Variants in SLC35F1 observed in about 807,000 individuals in gnomAD.
SLC35F1 encodes chromosome 6 open reading frame 169.
SLC35F1 carries 14 observed loss-of-function variants against 48.7 expected under a neutral mutation model. The observed-to-expected ratio is 0.29, with a 90% CI of 0.19 to 0.45. SLC35F1 has a LOEUF of 0.45. Among genes scored for constraint, SLC35F1 ranks in the 20% least tolerant of loss-of-function variants. SLC35F1 has a pLI of 1.00. For missense variants in SLC35F1, 404 were observed against 500.0 expected (o/e 0.81, Z 1.83); for synonymous variants, 190 against 202.2 (o/e 0.94, Z 0.51).
intron 1 of SLC35F1, among the ~76,000 whole-genome samples, chr6:117,926,632 A>G (rs1046142910): frequency 1.3e-5 from 2 of 152,124 alleles, no homozygotes; most frequent in African/African-American, 4.8e-5. Flanking sequence ...GTATGTGATG[A>G]ATTCTGGGAA....
chr6:118,111,323 G>A (rs1472360797), intron 1 of SLC35F1, among the ~76,000 whole-genome samples: 1 of 152,092 alleles, frequency 6.6e-6, no homozygotes, highest in Non-Finnish European at 1.5e-5. Flanking sequence ...CAAAGACAAA[G>A]AAAATCTTGA....
At chr6:118,128,883 T>A (rs1424994219) in intron 1 of SLC35F1, among the ~76,000 whole-genome samples, 1 of 152,166 alleles carries the variant, frequency 6.6e-6, no homozygotes, top group Non-Finnish European at 1.5e-5. Context: ...TGCACTAGGC[T>A]ACTTTAAAGT....
At chr6:117,909,126 AAACAG>A (rs1376752853) in intron 1 of SLC35F1, among the ~76,000 whole-genome samples, 4 of 152,210 alleles carry the variant, frequency 2.6e-5, no homozygotes, top group Non-Finnish European at 5.9e-5. Context: ...ATTTATTATC[AAACAG>A]AAAGAAATTC....
intron 7 of SLC35F1, among the ~76,000 whole-genome samples, chr6:118,293,493 C>T (rs9481773): frequency 0.031 from 4,667 of 152,274 alleles, 112 homozygotes; most frequent in African/African-American, 0.066. Context: ...GGATAATATC[C>T]TCACCTCAAA....
rs189830522 is a variant in SLC35F1, at chr6:118,293,342, T to C, written c.1002+8004T>C. 5.1e-3 allele frequency among the ~76,000 whole-genome samples: 779 copies of C among 152,302 alleles called. 9 individuals carry two copies. The highest frequency in any genetic ancestry group is 0.018 in the African/African-American group (746 of 41,566). ...CCATTTCCTTACCGTTTCCAGCTTC[T>C]AGAGGCCACCTGTATTTCTTGGCTC... On this transcript the variant is annotated intron_variant, in intron 7 of 7. Transcript: ENST00000360388.
At chr6:118,023,047 C>T (rs1777417289) in intron 1 of SLC35F1, among the ~76,000 whole-genome samples, 2 of 152,182 alleles carry the variant, frequency 1.3e-5, no homozygotes, top group African/African-American at 4.8e-5. Flanking sequence ...CGTGAGCCAC[C>T]ATGCCCGGCC....
intron 1 of SLC35F1, among the ~76,000 whole-genome samples, chr6:117,948,054 A>G (rs1459004452): frequency 6.6e-6 from 1 of 152,200 alleles, no homozygotes; most frequent in Admixed American, 6.5e-5. Context: ...ACTAGATTTA[A>G]TTCATGTTTC....
intron 2 of SLC35F1, among the ~76,000 whole-genome samples, chr6:118,196,388 T>TTTTTGC (rs1384125507): frequency 1.3e-5 from 2 of 152,188 alleles, no homozygotes; most frequent in Non-Finnish European, 2.9e-5. Flanking sequence ...CATTTGTTTA[T>TTTTTGC]TTTTGCTTTT....
At chr6:118,275,325 A>T (rs530993727) in intron 4 of SLC35F1, 134 bp from the exon 5 acceptor site, 2 of 946,664 alleles carry the variant, frequency 2.1e-6, no homozygotes, top group African/African-American at 3.3e-5. Context: ...ACTAAATCTC[A>T]GTTGGAAATT....
intron 1 of SLC35F1, among the ~76,000 whole-genome samples, chr6:117,965,513 C>T (rs1041232694): frequency 4.6e-5 from 7 of 152,200 alleles, no homozygotes; most frequent in African/African-American, 1.2e-4. Flanking sequence ...GGCCTGGAGG[C>T]CCTCTCCATT....
chr6:117,975,496 T>C (rs1776694398), intron 1 of SLC35F1, among the ~76,000 whole-genome samples: 1 of 152,214 alleles, frequency 6.6e-6, no homozygotes, highest in South Asian at 2.1e-4. Context: ...TTTTTCATTT[T>C]AGTATGATCT....
At chr6:118,311,668 G>A (rs910444073) in intron 7 of SLC35F1, among the ~76,000 whole-genome samples, 1 of 152,152 alleles carries the variant, frequency 6.6e-6, no homozygotes, top group Non-Finnish European at 1.5e-5. Context: ...GCAGGCGCCT[G>A]TAGTTCCAGC....
chr6:118,009,978 AT>A (rs1777223775), intron 1 of SLC35F1, among the ~76,000 whole-genome samples: 1 of 152,180 alleles, frequency 6.6e-6, no homozygotes, highest in South Asian at 2.1e-4. Context: ...TTGGGAATTT[AT>A]TGACTACGTA....
chr6:118,063,821 A>T (rs1458475504), intron 1 of SLC35F1, among the ~76,000 whole-genome samples: 3 of 152,198 alleles, frequency 2.0e-5, no homozygotes, highest in African/African-American at 7.2e-5. Flanking sequence ...AAACTCAAGT[A>T]ATTTTGGAAT....
chr6:118,176,930 G>A (rs1774497953), intron 2 of SLC35F1, among the ~76,000 whole-genome samples: 1 of 151,862 alleles, frequency 6.6e-6, no homozygotes, highest in Admixed American at 6.6e-5. Flanking sequence ...AATGAAAAAG[G>A]GATCAATTGA....
rs529569597 is a variant in SLC35F1, at chr6:118,017,274, G to A, written c.173+109375G>A. On this transcript the variant is annotated intron_variant, in intron 1 of 7. Transcript: ENST00000360388. ...GCAAGCGGGCTGTGACCTGGGGTGT[G>A]GAATAAGGGGCAAGCAAATCCATAC... Among the ~76,000 whole-genome samples the A allele has an allele frequency of 2.0e-5, 3 of 152,308 alleles. No homozygotes were observed. The South Asian group carries it at 6.2e-4, about 32-fold the overall frequency.
chr6:118,027,873 AG>A (rs1046284455), intron 1 of SLC35F1, among the ~76,000 whole-genome samples: 1 of 152,102 alleles, frequency 6.6e-6, no homozygotes, highest in Non-Finnish European at 1.5e-5. Context: ...GGGCATGTTC[AG>A]GGTGGTATGG....
chr6:117,907,934 G>A (rs1775713995), intron 1 of SLC35F1, 35 bp downstream of exon 1: 2 of 1,297,268 alleles, frequency 1.5e-6, no homozygotes, highest in African/African-American at 3.1e-5. Flanking sequence ...CGCGGGGGGC[G>A]GGGGCTGCGG....
intron 1 of SLC35F1, among the ~76,000 whole-genome samples, chr6:118,025,272 A>G (rs556438561): frequency 5.3e-5 from 8 of 152,236 alleles, no homozygotes; most frequent in Non-Finnish European, 2.9e-5. Context: ...AGCACAAGTT[A>G]GATATTTTGT....
Sources: allele counts gnomAD v4.1 joint callset (sites outside exome capture counted in the v4.1 genomes callset), GRCh38; gene constraint gnomAD v4.1.1; transcripts MANE v1.5; gene names NCBI Gene and HGNC (gene_info 2026-07-23, HGNC 2026-07-21).